KLF8: variants seen among roughly 807,000 people sequenced by gnomAD.
KLF8 encodes the protein KLF transcription factor 8.
A neutral mutation model predicts 18.2 loss-of-function variants in KLF8; 10 were observed. The ratio of observed to expected loss-of-function variants is 0.55; its 90% CI spans 0.34 to 0.93. The LOEUF (loss-of-function observed/expected upper bound fraction) is 0.93, where lower values mean the gene tolerates loss of function less well. Ranked by LOEUF, KLF8 falls within the 40% of genes least tolerant of loss-of-function variation. KLF8 has a pLI of 0.02. For synonymous variants in KLF8, 109 were observed against 97.3 expected, an observed-to-expected ratio of 1.12 and a Z score of -0.71; for missense variants, 264 against 277.9, an observed-to-expected ratio of 0.95 and a Z score of 0.36.
At chrX:56,154,189 A>G in the KLF8 span, among the ~76,000 whole-genome samples, 3 of 111,752 alleles carry the variant, frequency 2.7e-5, no homozygotes, top group Non-Finnish European at 5.6e-5. Context: ...CTATACTACA[A>G]GGCTACAGTA....
chrX:56,189,991 G>T, the KLF8 span, among the ~76,000 whole-genome samples: 1 of 107,904 alleles, frequency 9.3e-6, no homozygotes, highest in Non-Finnish European at 1.9e-5. Flanking sequence ...TGCACATTGT[G>T]CACATGTACC....
At chrX:55,948,278 A>G in the KLF8 span, among the ~76,000 whole-genome samples, 3 of 112,123 alleles carry the variant, frequency 2.7e-5, no homozygotes, top group Non-Finnish European at 5.6e-5. Context: ...TATGGTCTCT[A>G]TTGCAACAAT....
intron 1 of KLF8, among the ~76,000 whole-genome samples, chrX:56,245,160 G>T: frequency 8.9e-6 from 1 of 112,496 alleles, no homozygotes; most frequent in East Asian, 2.8e-4. Context: ...TTGTCCAAAT[G>T]CTGTATCCTG....
At chrX:56,040,800 C>CTTTTTT in the KLF8 span, among the ~76,000 whole-genome samples, 20 of 6,036 alleles carry the variant, frequency 3.3e-3, 5 homozygotes, top group Non-Finnish European at 6.5e-3. Flanking sequence ...ATGATACCAG[C>CTTTTTT]TTTTTTTTTT....
chrX:56,137,799 A>T, the KLF8 span, among the ~76,000 whole-genome samples: 1 of 109,619 alleles, frequency 9.1e-6, no homozygotes, highest in Non-Finnish European at 1.9e-5. Flanking sequence ...AGAAAAAAGA[A>T]AAACAAGCAT....
the KLF8 span, among the ~76,000 whole-genome samples, chrX:56,221,600 G>A: frequency 7.7e-4 from 86 of 110,991 alleles, no homozygotes; most frequent in African/African-American, 2.6e-3. Flanking sequence ...TCACGGTCTC[G>A]CTGGCCCAGG....
At chrX:56,184,238 A>G in the KLF8 span, among the ~76,000 whole-genome samples, 34 of 112,523 alleles carry the variant, frequency 3.0e-4, no homozygotes, top group African/African-American at 1.1e-3. Flanking sequence ...CCTGGCTCAG[A>G]GAGTCCTATG....
In KLF8 at chrX:56,270,269, C is replaced by A; in HGVS notation, c.846C>A (p.Ser282Arg). 8.3e-7 allele frequency: 1 copy of A among 1,206,685 alleles called. No individual in the cohort carries two copies. Among genetic ancestry groups the A allele is most frequent in the Non-Finnish European group, 1.1e-6 (1 of 893,244 alleles). Residue 282 changes from serine to arginine, a missense_variant, in exon 5 of 6, where the codon AGC becomes AGA. By Grantham distance (110) the Ser-to-Arg change is moderately radical. Around this residue, in one of 2 missense-constraint regions of KLF8, gnomAD observed 43 missense variants for 84.3 expected, o/e 0.51. Transcript: ENST00000468660. ...ACCAATGTGACTTTGCAGGATGCAGCAAAGTGTACACCAAAAGCTCTCACC... is the reference window on the plus strand; with the variant it reads ...ACCAATGTGACTTTGCAGGATGCAGAAAAGTGTACACCAAAAGCTCTCACC... ...RIHQCDFAGCSKVYTKSSHLK... is the reference protein window; with the variant it reads ...RIHQCDFAGCRKVYTKSSHLK...
chrX:56,084,162 C>A, the KLF8 span, among the ~76,000 whole-genome samples: 3 of 111,386 alleles, frequency 2.7e-5, no homozygotes, highest in Non-Finnish European at 5.7e-5. Context: ...AGGAGGATCA[C>A]TTGAGCCTAG....
the KLF8 span, among the ~76,000 whole-genome samples, chrX:56,152,784 ACT>A: frequency 2.7e-5 from 3 of 112,175 alleles, no homozygotes; most frequent in African/African-American, 9.7e-5. Flanking sequence ...TCTAAAAGAT[ACT>A]GTTTACTATG....
the KLF8 span, among the ~76,000 whole-genome samples, chrX:55,997,740 G>T: frequency 8.0e-5 from 9 of 112,046 alleles, no homozygotes; most frequent in Non-Finnish European, 1.7e-4. Context: ...TGTTCTTGCT[G>T]ATTCTTTTGA....
the KLF8 span, among the ~76,000 whole-genome samples, chrX:56,205,927 A>G: frequency 8.9e-6 from 1 of 111,877 alleles, no homozygotes; most frequent in Non-Finnish European, 1.9e-5. Flanking sequence ...CTTATAAAGG[A>G]AAGAGGTTTA....
the KLF8 span, among the ~76,000 whole-genome samples, chrX:56,109,712 A>G: frequency 9.0e-6 from 1 of 111,432 alleles, no homozygotes; most frequent in African/African-American, 3.3e-5. Context: ...TGTTAGATTG[A>G]CCTTTTATCA....
chrX:55,912,801 G>GC, the KLF8 span, among the ~76,000 whole-genome samples: 1 of 111,089 alleles, frequency 9.0e-6, no homozygotes, highest in Non-Finnish European at 1.9e-5. Flanking sequence ...TTTGTATCAG[G>GC]CCCCTCTATT....
the KLF8 span, among the ~76,000 whole-genome samples, chrX:56,056,935 T>G: frequency 0.019 from 2,149 of 110,937 alleles, 50 homozygotes; most frequent in African/African-American, 0.067. Flanking sequence ...CCAAAATGTT[T>G]TGTAATGCGG....
chrX:56,233,954 C>T (rs1333148193), intron 1 of KLF8, among the ~76,000 whole-genome samples: 1 of 111,489 alleles, frequency 9.0e-6, no homozygotes, highest in African/African-American at 3.3e-5. Flanking sequence ...CCCTTTAAGA[C>T]GTGGCCAAGG....
At chrX:55,950,193 A>T in the KLF8 span, among the ~76,000 whole-genome samples, 1 of 110,859 alleles carries the variant, frequency 9.0e-6, no homozygotes, top group African/African-American at 3.3e-5. Flanking sequence ...CTGCATGAGG[A>T]TATCCTCAGC....
the KLF8 span, among the ~76,000 whole-genome samples, chrX:55,940,394 A>G: frequency 8.9e-6 from 1 of 111,741 alleles, no homozygotes; most frequent in African/African-American, 3.3e-5. Context: ...AATAAGAGCT[A>G]TCTATGACAA....
chrX:56,178,386 T>A, the KLF8 span, among the ~76,000 whole-genome samples: 1 of 112,307 alleles, frequency 8.9e-6, no homozygotes, highest in Non-Finnish European at 1.9e-5. Context: ...GATATTAGCC[T>A]TTTGTCACAT....
Sources: allele counts gnomAD v4.1 joint callset (sites outside exome capture counted in the v4.1 genomes callset), GRCh38; gene constraint gnomAD v4.1.1; regional missense constraint gnomAD v4.1.1; transcripts MANE v1.5; gene names NCBI Gene and HGNC (gene_info 2026-07-23, HGNC 2026-07-21).